SPATA13: variants seen among roughly 807,000 people sequenced by gnomAD.
SPATA13 encodes spermatogenesis-associated protein 13.
SPATA13 carries 50 observed loss-of-function variants against 104.0 expected under a neutral mutation model. The observed-to-expected ratio is 0.48, with a 90% CI of 0.38 to 0.61. The LOEUF (loss-of-function observed/expected upper bound fraction) is 0.61, where lower values mean the gene tolerates loss of function less well. SPATA13 is among the 20% of genes least tolerant of loss of function. The pLI is 0.00. For synonymous variants in SPATA13, 606 were observed against 667.5 expected (o/e 0.91, Z 1.42); for missense variants, 1,524 against 1,690.6 (o/e 0.90, Z 1.73).
intron 3 of SPATA13, among the ~76,000 whole-genome samples, chr13:24,149,767 T>C (rs944520869): frequency 2.6e-5 from 4 of 152,144 alleles, no homozygotes; most frequent in Admixed American, 2.0e-4. Flanking sequence ...CGGATAGAGC[T>C]GGAGAGCTGC....
At chr13:24,173,164 G>A (rs756917894) in intron 1 of SPATA13, among the ~76,000 whole-genome samples, 15 of 152,220 alleles carry the variant, frequency 9.9e-5, no homozygotes, top group Middle Eastern at 3.4e-3. Context: ...TGCACCCTCC[G>A]CCTCCCGGGT....
intron 3 of SPATA13, among the ~76,000 whole-genome samples, chr13:24,095,903 A>G (rs1347382809): frequency 6.6e-6 from 1 of 152,182 alleles, no homozygotes; most frequent in Non-Finnish European, 1.5e-5. Context: ...GACTTCCTTT[A>G]TCACACCCAG....
At position 24,107,546 on chromosome 13, in the gene SPATA13, C is replaced by G. The variant is rs559314968; in HGVS notation, c.-112+89845C>G. Among the ~76,000 whole-genome samples, 34 of 152,296 alleles carry G rather than the reference C, an allele frequency of 2.2e-4. No homozygotes were observed. The South Asian group carries it at 6.6e-3, about 30-fold the overall frequency. ...TGTCAATTCTGAGTTTATGGACATT[C>G]ATAGAGAAAAATCACCTCCTCACCA... On this transcript the variant is annotated intron_variant, in intron 3 of 14. Transcript: ENST00000424834.
chr13:24,012,668 A>G (rs1268066086), intron 2 of SPATA13, among the ~76,000 whole-genome samples: 2 of 152,142 alleles, frequency 1.3e-5, no homozygotes, highest in Non-Finnish European at 2.9e-5. Flanking sequence ...CCAACCCCCA[A>G]GTGTGTGGTG....
chr13:24,054,503 T>G (rs1878469431), intron 3 of SPATA13, among the ~76,000 whole-genome samples: 1 of 152,242 alleles, frequency 6.6e-6, no homozygotes, highest in South Asian at 2.1e-4. Flanking sequence ...AGGACCATAT[T>G]GTAAGCTTAG....
chr13:24,040,115 A>G (rs1877861025), intron 3 of SPATA13, among the ~76,000 whole-genome samples: 1 of 152,270 alleles, frequency 6.6e-6, no homozygotes, highest in Non-Finnish European at 1.5e-5. Context: ...GCCATTCAGC[A>G]GAAATCCCCC....
At position 24,068,032 on chromosome 13, in the gene SPATA13, G is replaced by A. The variant is rs867540117; in HGVS notation, c.-112+50331G>A. Among the ~76,000 whole-genome samples the A allele has an allele frequency of 5.9e-5, 9 of 152,056 alleles. No homozygotes were observed. In the South Asian group the frequency reaches 1.7e-3, roughly 28 times the overall value. On this transcript the variant is annotated intron_variant, in intron 3 of 14. Coordinates refer to the SPATA13 transcript ENST00000424834. ...TTTTTATCTTTTATTTTAAGTTCAG[G>A]GGTACATGTGTATGTTCATTAGATA...
intron 3 of SPATA13, among the ~76,000 whole-genome samples, chr13:24,111,541 G>A (rs1880639273): frequency 6.6e-6 from 1 of 151,746 alleles, no homozygotes; most frequent in Admixed American, 6.6e-5. Flanking sequence ...CTGAGTAGTT[G>A]GGACCACAGG....
chr13:24,062,217 G>A lies in SPATA13; in HGVS notation c.-112+44516G>A, dbSNP rs78266197. 3.5e-3 allele frequency among the ~76,000 whole-genome samples: 530 copies of A among 152,332 alleles called. 3 individuals are homozygous for A. The highest frequency in any genetic ancestry group is 0.012 in the African/African-American group (509 of 41,566). On this transcript the variant is annotated intron_variant, in intron 3 of 14. Transcript: ENST00000424834. ...GGCTGTTTACTAGTGATGCTATTCC[G>A]GGAAGAGCTCTAGGGCTTCTTAGCC...
chr13:24,144,708 T>G (rs1417815087), intron 3 of SPATA13, among the ~76,000 whole-genome samples: 2 of 151,880 alleles, frequency 1.3e-5, no homozygotes, highest in Non-Finnish European at 2.9e-5. Flanking sequence ...CTTTCAGACT[T>G]TGGCCAGCGT....
intron 3 of SPATA13, among the ~76,000 whole-genome samples, chr13:24,070,019 A>G (rs1879101061): frequency 6.6e-6 from 1 of 152,222 alleles, no homozygotes; most frequent in Admixed American, 6.5e-5. Flanking sequence ...CTCATTGGAT[A>G]GAGGTAAGGC....
At chr13:24,282,362 G>A (rs1486358647) in intron 4 of SPATA13, among the ~76,000 whole-genome samples, 1 of 152,210 alleles carries the variant, frequency 6.6e-6, no homozygotes, top group East Asian at 1.9e-4. Context: ...GATTTGCCAA[G>A]TCCTTGAGGA....
intron 4 of SPATA13, among the ~76,000 whole-genome samples, chr13:24,277,928 A>T (rs1287088670): frequency 6.6e-6 from 1 of 152,160 alleles, no homozygotes; most frequent in Non-Finnish European, 1.5e-5. Flanking sequence ...TCCATAAAAC[A>T]CACTTGAATT....
chr13:24,091,584 T>G (rs1170114574), intron 3 of SPATA13, among the ~76,000 whole-genome samples: 6 of 152,076 alleles, frequency 3.9e-5, no homozygotes, highest in Admixed American at 3.9e-4. Flanking sequence ...CCAAGGCAGG[T>G]GGATCACTTA....
At chr13:23,984,382 T>C (rs1203923703) in intron 2 of SPATA13, among the ~76,000 whole-genome samples, 1 of 152,254 alleles carries the variant, frequency 6.6e-6, no homozygotes, top group East Asian at 1.9e-4. Context: ...GGGAGAGTAG[T>C]CTTCTATTTT....
chr13:24,237,601 G>A (rs1052740979), intron 2 of SPATA13, among the ~76,000 whole-genome samples: 1 of 152,104 alleles, frequency 6.6e-6, no homozygotes, highest in African/African-American at 2.4e-5. Flanking sequence ...AAGTTCTGAA[G>A]ATGGATGGTG....
chr13:24,140,973 G>A (rs1881743522), intron 3 of SPATA13, among the ~76,000 whole-genome samples: 1 of 152,094 alleles, frequency 6.6e-6, no homozygotes, highest in Non-Finnish European at 1.5e-5. Context: ...TCAGGAGTTC[G>A]AGACCAGCTT....
At chr13:24,224,747 C>G (rs576718587) in intron 2 of SPATA13, 165 bp downstream of exon 2, 9 of 730,758 alleles carry the variant, frequency 1.2e-5, no homozygotes, top group Middle Eastern at 4.5e-4. Context: ...TGCTGTTTAC[C>G]AAGTTCAGAA....
intron 3 of SPATA13, among the ~76,000 whole-genome samples, chr13:24,146,074 T>C (rs1881921371): frequency 6.6e-6 from 1 of 152,170 alleles, no homozygotes; most frequent in Non-Finnish European, 1.5e-5. Flanking sequence ...CCAGGAAGAA[T>C]TTGGATTTGG....
Sources: allele counts gnomAD v4.1 joint callset (sites outside exome capture counted in the v4.1 genomes callset), GRCh38; gene constraint gnomAD v4.1.1; transcripts MANE v1.5; gene names NCBI Gene and HGNC (gene_info 2026-07-23, HGNC 2026-07-21).